Variants in EPS8 observed in about 807,000 individuals in gnomAD.
EPS8 encodes the protein epidermal growth factor receptor kinase substrate 8.
In EPS8, 42 loss-of-function variants were observed where a neutral mutation model predicts 103.8. That is an observed-to-expected ratio of 0.40 (90% CI 0.32 to 0.52). EPS8 has a LOEUF of 0.52. Ranked by LOEUF, EPS8 falls within the 20% of genes least tolerant of loss-of-function variation. EPS8 has a pLI of 0.40. For synonymous variants in EPS8, 344 were observed against 344.6 expected (o/e 1.00, Z 0.02); for missense variants, 969 against 1,005.1 (o/e 0.96, Z 0.49).
At position 15,684,501 on chromosome 12, in the gene EPS8, G is replaced by A. The variant is rs1946062006; in HGVS notation, c.-21-1529C>T. ...AAGAAGGGTACCAGGCACAGAATAG[G>A]TGTTCATTAAATATTTATTCAAAGA... On this transcript the variant is annotated intron_variant, in intron 1 of 20. Coordinates refer to ENST00000281172, the MANE Select transcript of EPS8 (RefSeq NM_004447.6). The surrounding 1 kb of genome is among the most constrained non-coding windows in gnomAD (Gnocchi z 4.9). Among the ~76,000 whole-genome samples, 1 of 152,132 alleles carries A rather than the reference G, an allele frequency of 6.6e-6. No individual in the cohort carries two copies. Among genetic ancestry groups the A allele is most frequent in the Non-Finnish European group, 1.5e-5 (1 of 68,020 alleles).
Position 15,684,538 on chromosome 12 carries a change from A to C in EPS8, c.-21-1566T>G, listed in dbSNP as rs1362591575. Among the ~76,000 whole-genome samples, 1 of 152,226 alleles carries C rather than the reference A, an allele frequency of 6.6e-6. No individual in the cohort carries two copies. Among genetic ancestry groups the C allele is most frequent in the African/African-American group, 2.4e-5 (1 of 41,450 alleles). On this transcript the variant is annotated intron_variant, in intron 1 of 20. Transcript: ENST00000281172. The surrounding 1 kb of genome is among the most constrained non-coding windows in gnomAD (Gnocchi z 4.9). The stretch of plus-strand genomic sequence containing the variant: ...TATTTATTCAAAGAAAGAAAGAAGG[A>C]AATCCATGTCCCACTCTTCAAAGAG...
rs193246965 is a variant in EPS8 at position 15,631,117 on chromosome 12, G to T, written c.2044+325C>A. On this transcript the variant is annotated intron_variant, in intron 18 of 20. Transcript: ENST00000281172. ...TTTTTAGATATTGAAGTGCTGAGAG[G>T]ATAATTAAATCATTGAAGGTCAGGA... Among the ~76,000 whole-genome samples, 170 of 152,250 alleles carry T rather than the reference G, an allele frequency of 1.1e-3. 2 individuals carry two copies. The highest frequency in any genetic ancestry group is 4.0e-3 in the African/African-American group (167 of 41,534).
rs1281414818 is a variant in EPS8, at chr12:15,771,920, C to T, written c.-22+17241G>A. On this transcript the variant is annotated intron_variant, in intron 1 of 20. Coordinates refer to ENST00000281172, the MANE Select transcript of EPS8 (RefSeq NM_004447.6). This position sits in a 1 kb window ranked among gnomAD's most constrained non-coding sequence, Gnocchi z 4.6. ...TGGGTGGATCACGAGGTCAGGAGAT[C>T]GAGACCATCCTGGCTAATGCGGTGA... is the stretch of plus-strand genomic sequence containing the variant. Among the ~76,000 whole-genome samples the T allele has an allele frequency of 1.3e-5, 2 of 151,826 alleles. No homozygotes were observed. Among genetic ancestry groups the T allele is most frequent in the African/African-American group, 4.8e-5 (2 of 41,316 alleles).
chr12:15,746,183 G>C (rs928849761), intron 1 of EPS8, among the ~76,000 whole-genome samples: 17 of 152,126 alleles, frequency 1.1e-4, no homozygotes, highest in African/African-American at 4.1e-4. Context: ...AGACTTCCTA[G>C]AACTCAACTG....
intron 8 of EPS8, among the ~76,000 whole-genome samples, chr12:15,663,976 T>TGTACACAC (rs1555112248): frequency 9.6e-6 from 1 of 104,466 alleles, no homozygotes; most frequent in Non-Finnish European, 1.8e-5. Flanking sequence ...TATATATATA[T>TGTACACAC]ACACACACAC....
At position 15,695,452 on chromosome 12, in the gene EPS8, T is replaced by C. The variant is rs1348389472; in HGVS notation, c.-21-12480A>G. On this transcript the variant is annotated intron_variant, in intron 1 of 20. Transcript: ENST00000281172. This position sits in a 1 kb window ranked among gnomAD's most constrained non-coding sequence, Gnocchi z 5.0. ...ACTATATTAGCACTGCTCAATACAG[T>C]AGCTGAGCACAAGTGTTGAGCACTT... Among the ~76,000 whole-genome samples the C allele has an allele frequency of 6.6e-6, 1 of 152,244 alleles. No individual in the cohort carries two copies. The highest frequency in any genetic ancestry group is 1.9e-4 in the East Asian group (1 of 5,202).
At position 15,779,253 on chromosome 12, in the gene EPS8, C is replaced by G. The variant is rs1208313811; in HGVS notation, c.-22+9908G>C. On this transcript the variant is annotated intron_variant, in intron 1 of 20. Transcript: ENST00000281172. The surrounding 1 kb of genome is among the most constrained non-coding windows in gnomAD (Gnocchi z 4.3). ...TCGGCTTCCCAAAATGCTGGGATTA[C>G]AGGCGTGAGCCACCTTGCCCAGCAA... is the stretch of plus-strand genomic sequence containing the variant. 5.3e-5 allele frequency among the ~76,000 whole-genome samples: 8 copies of G among 152,340 alleles called. No individual in the cohort carries two copies. In the South Asian group the frequency reaches 6.2e-4, roughly 12 times the overall value.
chr12:15,622,300 C>T (rs1944872856), intron 20 of EPS8, among the ~76,000 whole-genome samples: 1 of 152,152 alleles, frequency 6.6e-6, no homozygotes, highest in African/African-American at 2.4e-5. Context: ...ATGGAGCCTT[C>T]AAGATCAATG....
chr12:15,777,946 AC>A lies in EPS8; in HGVS notation c.-22+11214del, dbSNP rs1947223616. 3.9e-5 allele frequency among the ~76,000 whole-genome samples: 6 copies of A among 152,328 alleles called. No individual in the cohort carries two copies. In the South Asian group the frequency reaches 1.2e-3, roughly 32 times the overall value. On this transcript the variant is annotated intron_variant, in intron 1 of 20. Transcript: ENST00000281172. This position sits in a 1 kb window ranked among gnomAD's most constrained non-coding sequence, Gnocchi z 4.7. Reference sequence around the variant, plus strand: ...GGATGTTGTACTAACTGGGACTGAAACTTTTTGTTTCAACAGTTTGGGTAAG... The same window carrying A: ...GGATGTTGTACTAACTGGGACTGAAATTTTTGTTTCAACAGTTTGGGTAAG...
Position 15,734,859 on chromosome 12 carries a change from T to C in EPS8, c.-21-51887A>G, listed in dbSNP as rs1946753189. On this transcript the variant is annotated intron_variant, in intron 1 of 20. Coordinates refer to ENST00000281172, the MANE Select transcript of EPS8 (RefSeq NM_004447.6). The surrounding 1 kb of genome is among the most constrained non-coding windows in gnomAD (Gnocchi z 4.1). ...ATAAAATACTTTCATATCGATGATC[T>C]CAATTGATTCTTATAATATGTAAGC... 6.6e-6 allele frequency among the ~76,000 whole-genome samples: 1 copy of C among 152,246 alleles called. No homozygotes were observed. The highest frequency in any genetic ancestry group is 2.4e-5 in the African/African-American group (1 of 41,470).
In EPS8 at chr12:15,738,744, T is replaced by G. The variant is rs76697884; in HGVS notation, c.-22+50417A>C. On this transcript the variant is annotated intron_variant, in intron 1 of 20. Coordinates refer to ENST00000281172, the MANE Select transcript of EPS8 (RefSeq NM_004447.6). The surrounding 1 kb of genome is among the most constrained non-coding windows in gnomAD (Gnocchi z 6.2). ...TACAAAAGGACACAGGCCAACTTGG[T>G]TTTTTTTTTGTAATACCAGCAGCTA... Among the ~76,000 whole-genome samples, 2 of 140,812 alleles carry G rather than the reference T, an allele frequency of 1.4e-5. No homozygotes were observed. Among genetic ancestry groups the G allele is most frequent in the African/African-American group, 2.8e-5 (1 of 35,698 alleles). The allele number at this position is 140,812 out of a possible 152,430, so 92.4% of individuals were successfully genotyped here. A position where few individuals can be genotyped will look rare whatever the true frequency, so the allele number is the denominator to read the frequency against.
rs534844976 is a variant in EPS8 at position 15,712,899 on chromosome 12, T to C, written c.-21-29927A>G. ...CCTCTAAGCAATCGTCCAGGCAATATTGAGAGGCCATTCCACTCAGTTTAC... is the reference window on the plus strand; with the variant it reads ...CCTCTAAGCAATCGTCCAGGCAATACTGAGAGGCCATTCCACTCAGTTTAC... On this transcript the variant is annotated intron_variant, in intron 1 of 20. Coordinates refer to ENST00000281172, the MANE Select transcript of EPS8 (RefSeq NM_004447.6). The C allele has an allele frequency of 2.1e-5, 21 of 985,094 alleles. No homozygotes were observed. In the African/African-American group the frequency reaches 2.6e-4, roughly 12 times the overall value. The allele number at this position is 985,094 out of a possible 1,614,324, so 61.0% of individuals were successfully genotyped here.
intron 17 of EPS8, 134 bp from the exon 18 acceptor site, chr12:15,631,798 T>C (rs1301775322): frequency 2.0e-5 from 13 of 655,780 alleles, no homozygotes; most frequent in Non-Finnish European, 3.4e-5. Context: ...TTATCTGTAA[T>C]CCTATATGGT....
chr12:15,759,496 A>G lies in EPS8; in HGVS notation c.-22+29665T>C, dbSNP rs1442935524. 6.6e-6 allele frequency among the ~76,000 whole-genome samples: 1 copy of G among 152,120 alleles called. No individual in the cohort carries two copies. The highest frequency in any genetic ancestry group is 2.4e-5 in the African/African-American group (1 of 41,448). ...AAAAGTCTTCAGTCTCTTAAACTTC[A>G]GTAGGAAAAACAGAATTCCAATTGT... On this transcript the variant is annotated intron_variant, in intron 1 of 20. Transcript: ENST00000281172. The surrounding 1 kb of genome is among the most constrained non-coding windows in gnomAD (Gnocchi z 4.9).
rs1489333313 is a variant in EPS8 at position 15,734,054 on chromosome 12, A to G, written c.-21-51082T>C. Among the ~76,000 whole-genome samples, 1 of 151,956 alleles carries G rather than the reference A, an allele frequency of 6.6e-6. No homozygotes were observed. Among genetic ancestry groups the G allele is most frequent in the Non-Finnish European group, 1.5e-5 (1 of 67,974 alleles). On this transcript the variant is annotated intron_variant, in intron 1 of 20. Transcript: ENST00000281172. The surrounding 1 kb of genome is among the most constrained non-coding windows in gnomAD (Gnocchi z 4.1). ...AGGGTCTCTCCATGTTGCCCAGACT[A>G]GTCTCAAACTCCTGAGCTCAAGTAA...
chr12:15,750,404 T>G (rs190387568), intron 1 of EPS8, among the ~76,000 whole-genome samples: 2 of 152,182 alleles, frequency 1.3e-5, no homozygotes. Flanking sequence ...CCTTTACATA[T>G]GTCTATCAAG....
chr12:15,712,053 T>A (rs1005579481), intron 1 of EPS8, among the ~76,000 whole-genome samples: 3 of 152,160 alleles, frequency 2.0e-5, no homozygotes, highest in Admixed American at 6.5e-5. Context: ...TAAGATTAAA[T>A]GTAATAAATC....
chr12:15,623,422 T>C, intron 19 of EPS8, 135 bp from the exon 20 acceptor site: 1 of 691,106 alleles, frequency 1.4e-6, no homozygotes, highest in East Asian at 2.7e-5. Context: ...TAAATGCCAC[T>C]ACAGTCTTTA....
At chr12:15,623,310 G>C in intron 19 of EPS8, 23 bp from the exon 20 acceptor site, 1 of 1,545,428 alleles carries the variant, frequency 6.5e-7, no homozygotes, top group South Asian at 1.2e-5. Context: ...AAAGGAAAAA[G>C]AAACTGAGCA....
Sources: gnomAD v4.1 joint callset for allele counts (sites outside exome capture counted in the v4.1 genomes callset) on GRCh38, gnomAD v4.1.1 for gene constraint, Gnocchi (gnomAD v3.1) non-coding constraint, MANE v1.5 for transcripts, NCBI Gene and HGNC (gene_info 2026-07-23, HGNC 2026-07-21) for gene names.